The following CASK variants were observed in gnomAD, a reference collection of about 807,000 sequenced individuals.
CASK encodes the protein peripheral plasma membrane protein CASK.
CASK carries 4 observed loss-of-function variants against 82.9 expected under a neutral mutation model. That is an observed-to-expected ratio of 0.05 (90% CI 0.02 to 0.11). CASK has a LOEUF of 0.11. Among genes scored for constraint, CASK ranks in the 10% least tolerant of loss-of-function variants. The pLI is 1.00. For missense variants in CASK, 358 were observed against 720.9 expected, an observed-to-expected ratio of 0.50 and a Z score of 5.76; for synonymous variants, 259 against 253.5, an observed-to-expected ratio of 1.02 and a Z score of -0.20.
At chrX:41,692,676 T>C (rs2067594120) in intron 5 of CASK, among the ~76,000 whole-genome samples, 1 of 112,199 alleles carries the variant, frequency 8.9e-6, no homozygotes, top group Non-Finnish European at 1.9e-5. Flanking sequence ...TGAGTTCTTC[T>C]CTCCATTTGG....
At chrX:41,698,252 G>A (rs2067728760) in intron 5 of CASK, among the ~76,000 whole-genome samples, 1 of 111,974 alleles carries the variant, frequency 8.9e-6, no homozygotes, top group Non-Finnish European at 1.9e-5. Context: ...TTAAATCTAG[G>A]TAGTAGGCAC....
At chrX:41,579,789 T>C (rs2065542590) in intron 14 of CASK, among the ~76,000 whole-genome samples, 1 of 111,187 alleles carries the variant, frequency 9.0e-6, no homozygotes, top group African/African-American at 3.3e-5. Context: ...AAAAAAGTCA[T>C]GACTTGGCTA....
chrX:41,554,968 A>AT (rs757475681), intron 20 of CASK, among the ~76,000 whole-genome samples: 10 of 112,093 alleles, frequency 8.9e-5, no homozygotes, highest in Non-Finnish European at 1.5e-4. Context: ...TTTTCTGTTT[A>AT]TTTTCAGCAA....
chrX:41,632,598 TA>T (rs1388613846), intron 9 of CASK, among the ~76,000 whole-genome samples: 2 of 112,087 alleles, frequency 1.8e-5, no homozygotes, highest in African/African-American at 6.5e-5. Flanking sequence ...AATTGAAATG[TA>T]AACAGTTACA....
At chrX:41,669,539 T>G (rs774914563) in intron 6 of CASK, among the ~76,000 whole-genome samples, 14 of 112,213 alleles carry the variant, frequency 1.2e-4, no homozygotes, top group African/African-American at 4.5e-4. Context: ...AATATAATCA[T>G]CAGAAATTAT....
intron 5 of CASK, among the ~76,000 whole-genome samples, chrX:41,739,153 A>G (rs1395011397): frequency 8.9e-6 from 1 of 112,055 alleles, no homozygotes; most frequent in East Asian, 2.8e-4. Context: ...GAGAAATAAT[A>G]CAATTTTAGA....
At chrX:41,642,699 C>T (rs1177039145) in intron 8 of CASK, among the ~76,000 whole-genome samples, 4 of 111,828 alleles carry the variant, frequency 3.6e-5, no homozygotes, top group Non-Finnish European at 7.5e-5. Flanking sequence ...CTGTAGGTTG[C>T]CTGTTCACTC....
chrX:41,619,037 A>G (rs1207309613), intron 11 of CASK, among the ~76,000 whole-genome samples: 2 of 107,851 alleles, frequency 1.9e-5, no homozygotes, highest in African/African-American at 6.8e-5. Flanking sequence ...TCACCGTGTT[A>G]GCCAGGATGG....
intron 5 of CASK, among the ~76,000 whole-genome samples, chrX:41,699,543 C>G (rs192724513): frequency 9.1e-6 from 1 of 110,241 alleles, no homozygotes; most frequent in East Asian, 2.8e-4. Flanking sequence ...TCATTGTATA[C>G]AGTTTGGTGA....
At chrX:41,771,556 T>C (rs1263076339) in intron 3 of CASK, among the ~76,000 whole-genome samples, 1 of 111,615 alleles carries the variant, frequency 9.0e-6, no homozygotes, top group Non-Finnish European at 1.9e-5. Flanking sequence ...AGGAAGGAAT[T>C]ATATAAAATT....
intron 8 of CASK, among the ~76,000 whole-genome samples, chrX:41,640,566 A>T (rs5918217): frequency 0.15 from 16,243 of 110,787 alleles, 915 homozygotes; most frequent in Middle Eastern, 0.18. Flanking sequence ...GCCACTGTAA[A>T]ACATGTTTAC....
intron 1 of CASK, among the ~76,000 whole-genome samples, chrX:41,896,616 TCA>T (rs1383919396): frequency 6.2e-5 from 7 of 112,032 alleles, no homozygotes; most frequent in African/African-American, 2.3e-4. Flanking sequence ...GATTTCTTTC[TCA>T]GTTCATTGCT....
In CASK at chrX:41,873,690, A is replaced by G. The variant is rs146121856; in HGVS notation, c.60-20463T>C. The stretch of plus-strand genomic sequence containing the variant: ...AGCCATTATCATTTCATTTGTAAGA[A>G]AATTCTGGTGCTTCTACAATACACA... On this transcript the variant is annotated intron_variant, in intron 1 of 26. Coordinates refer to ENST00000378163, the MANE Select transcript of CASK (RefSeq NM_001367721.1). Among the ~76,000 whole-genome samples the G allele has an allele frequency of 3.2e-4, 36 of 111,843 alleles. No homozygotes were observed. The East Asian group carries it at 6.1e-3, about 19-fold the overall frequency.
In CASK at chrX:41,787,171, C is replaced by T. The variant is rs1328887398; in HGVS notation, c.278+7G>A. 1 of 1,015,347 alleles carries T rather than the reference C, an allele frequency of 9.8e-7. No homozygotes were observed. Among genetic ancestry groups the T allele is most frequent in the Non-Finnish European group, 1.4e-6 (1 of 715,955 alleles). The allele number at this position is 1,015,347 out of a possible 1,213,427, so 83.7% of individuals were successfully genotyped here. ...TTTACCCTTTAAGAATTAAAATACACACTCACAATTCGAAAACCATGTAAA... is the reference window on the plus strand; with the variant it reads ...TTTACCCTTTAAGAATTAAAATACATACTCACAATTCGAAAACCATGTAAA... On this transcript the variant is annotated splice_region_variant and intron_variant, in intron 3 of 26. Transcript: ENST00000378163.
chrX:41,596,539 T>C (rs969805298), intron 12 of CASK, among the ~76,000 whole-genome samples: 1 of 112,112 alleles, frequency 8.9e-6, no homozygotes, highest in Admixed American at 9.5e-5. Context: ...AAAGCTGAGG[T>C]GTGAAGGGGG....
chrX:41,567,891 A>G (rs2065343432), intron 16 of CASK, among the ~76,000 whole-genome samples: 1 of 111,420 alleles, frequency 9.0e-6, no homozygotes, highest in Non-Finnish European at 1.9e-5. Context: ...CATATACACC[A>G]GGGAATACTA....
At chrX:41,622,491 TA>T in intron 11 of CASK, 125 bp downstream of exon 11, 1 of 478,422 alleles carries the variant, frequency 2.1e-6, no homozygotes, top group East Asian at 4.0e-5. Context: ...CAGGCAGTGT[TA>T]AAATTAATAC....
chrX:41,717,482 A>G (rs1326335601), intron 5 of CASK, among the ~76,000 whole-genome samples: 1 of 112,234 alleles, frequency 8.9e-6, no homozygotes, highest in Non-Finnish European at 1.9e-5. Context: ...TTATAGAGAT[A>G]AGGAAAAATA....
At chrX:41,861,896 A>AAT (rs1163204365) in intron 1 of CASK, among the ~76,000 whole-genome samples, 40 of 102,724 alleles carry the variant, frequency 3.9e-4, no homozygotes, top group African/African-American at 1.3e-3. Context: ...TATAATATAT[A>AAT]ATATATAGTA....
Sources: allele counts gnomAD v4.1 joint callset (sites outside exome capture counted in the v4.1 genomes callset), GRCh38; gene constraint gnomAD v4.1.1; transcripts MANE v1.5; gene names NCBI Gene and HGNC (gene_info 2026-07-23, HGNC 2026-07-21).